Variants in EPB41L4A observed in about 807,000 individuals in gnomAD.
EPB41L4A encodes erythrocyte membrane protein band 4.1 like 4A.
EPB41L4A carries 100 observed loss-of-function variants against 108.6 expected under a neutral mutation model. The ratio of observed to expected loss-of-function variants is 0.92; its 90% CI spans 0.78 to 1.09. The LOEUF is 1.09. Ranked by LOEUF, EPB41L4A falls within the 50% of genes least tolerant of loss-of-function variation. The pLI is 0.00. For missense variants in EPB41L4A, 1,030 were observed against 842.7 expected, an observed-to-expected ratio of 1.22 and a Z score of -2.75; for synonymous variants, 319 against 289.0, an observed-to-expected ratio of 1.10 and a Z score of -1.05.
chr5:112,166,195 G>A (rs2150190940), intron 22 of EPB41L4A, among the ~76,000 whole-genome samples: 1 of 152,344 alleles, frequency 6.6e-6, no homozygotes, highest in Middle Eastern at 3.4e-3. Flanking sequence ...GCAAGGTGAG[G>A]TGTAAGGCAG....
At position 112,295,209 on chromosome 5, in the gene EPB41L4A, C is replaced by T. The variant is rs1753913355; in HGVS notation, c.204+12177G>A. Reference sequence around the variant, plus strand: ...TCAATCTAGGAATTAAGGAGTAAAGCTGCCAGGACTTGGTGACTGGCTATG... The same window carrying T: ...TCAATCTAGGAATTAAGGAGTAAAGTTGCCAGGACTTGGTGACTGGCTATG... On this transcript the variant is annotated intron_variant, in intron 2 of 22. Transcript: ENST00000261486. Among the ~76,000 whole-genome samples the T allele has an allele frequency of 2.0e-5, 3 of 152,150 alleles. No homozygotes were observed. The South Asian group carries it at 6.2e-4, about 32-fold the overall frequency.
At chr5:112,371,247 G>C (rs746896440) in intron 1 of EPB41L4A, among the ~76,000 whole-genome samples, 55 of 152,136 alleles carry the variant, frequency 3.6e-4, no homozygotes, top group Non-Finnish European at 6.9e-4. Flanking sequence ...CCACATTCCT[G>C]CTTAGCGTTT....
chr5:112,379,424 T>A (rs1445510783), intron 1 of EPB41L4A, among the ~76,000 whole-genome samples: 1 of 152,094 alleles, frequency 6.6e-6, no homozygotes, highest in African/African-American at 2.4e-5. Flanking sequence ...TCATCCTTCC[T>A]AAGGGCAGAT....
chr5:112,376,024 A>G (rs1424281955), intron 1 of EPB41L4A, among the ~76,000 whole-genome samples: 1 of 152,196 alleles, frequency 6.6e-6, no homozygotes, highest in Non-Finnish European at 1.5e-5. Flanking sequence ...ACAAAAACCA[A>G]TACACTGGAT....
chr5:112,165,058 G>A lies in EPB41L4A; in HGVS notation c.1993C>T (p.Leu665=), dbSNP rs923317190. 3 of 1,613,782 alleles carry A rather than the reference G, an allele frequency of 1.9e-6. No homozygotes were observed. Among genetic ancestry groups the A allele is most frequent in the Admixed American group, 1.7e-5 (1 of 59,986 alleles). Residue 665 remains leucine, a synonymous_variant, in exon 23 of 23, where the codon CTG becomes TTG. Coordinates refer to ENST00000261486, the MANE Select transcript of EPB41L4A (RefSeq NM_022140.5). ...EEKPQTSTNN[L]AGKHTAKTIK... is the part of the protein sequence containing the mutation. ...GTTTTTGCTGTGTGTTTTCCAGCCAGGTTGTTTGTAGATGTCTGAGGTTTT... is the reference window on the plus strand; with the variant it reads ...GTTTTTGCTGTGTGTTTTCCAGCCAAGTTGTTTGTAGATGTCTGAGGTTTT...
intron 12 of EPB41L4A, among the ~76,000 whole-genome samples, chr5:112,222,941 A>AT (rs1364099263): frequency 1.8e-5 from 1 of 56,478 alleles, no homozygotes; most frequent in Non-Finnish European, 3.3e-5. Context: ...AAGTGAAACT[A>AT]GTTTTTTTTT....
intron 14 of EPB41L4A, 81 bp from the exon 15 acceptor site, chr5:112,204,569 C>G: frequency 1.2e-6 from 1 of 803,104 alleles, no homozygotes; most frequent in Non-Finnish European, 2.1e-6. Context: ...CTATTCATAA[C>G]TGCACAGCTG....
chr5:112,264,779 G>A lies in EPB41L4A; in HGVS notation c.554+117C>T, dbSNP rs1192757511. 5 of 973,942 alleles carry A rather than the reference G, an allele frequency of 5.1e-6. No individual in the cohort carries two copies. In the Admixed American group the frequency reaches 8.0e-5, roughly 15 times the overall value. The allele number at this position is 973,942 out of a possible 1,614,324, so 60.3% of individuals were successfully genotyped here. A position where few individuals can be genotyped will look rare whatever the true frequency, so the allele number is the denominator to read the frequency against. ...AATCAGTTAAACTATACAAAGAGGA[G>A]TATTAGAATATTAAATGCACAGGTG... On this transcript the variant is annotated intron_variant, in intron 6 of 22. Transcript: ENST00000261486.
intron 4 of EPB41L4A, among the ~76,000 whole-genome samples, chr5:112,268,760 C>T (rs1238689765): frequency 1.4e-5 from 2 of 142,076 alleles, no homozygotes; most frequent in African/African-American, 5.2e-5. Context: ...GGAGGATCGT[C>T]TGAGCCCAGA....
Position 112,399,441 on chromosome 5 carries a change from G to A in EPB41L4A, c.99+19500C>T, listed in dbSNP as rs377413579. On this transcript the variant is annotated intron_variant, in intron 1 of 22. Transcript: ENST00000261486. Reference sequence around the variant, plus strand: ...CATACTGGGAGGCAGTGTGTCAGCCGGCTTCATGGCTGCATCCAGGGCCCA... The same window carrying A: ...CATACTGGGAGGCAGTGTGTCAGCCAGCTTCATGGCTGCATCCAGGGCCCA... Among the ~76,000 whole-genome samples, 4 of 152,148 alleles carry A rather than the reference G, an allele frequency of 2.6e-5. No homozygotes were observed. The South Asian group carries it at 6.2e-4, about 24-fold the overall frequency.
chr5:112,397,864 T>C (rs1717398579), intron 1 of EPB41L4A, among the ~76,000 whole-genome samples: 1 of 152,348 alleles, frequency 6.6e-6, no homozygotes, highest in Admixed American at 6.5e-5. Flanking sequence ...GGTCAAGGAT[T>C]TGACCGCAGT....
At chr5:112,153,590 G>A (rs932832233) in intron 12 of EPB41L4A, among the ~76,000 whole-genome samples, 1 of 149,024 alleles carries the variant, frequency 6.7e-6, no homozygotes, top group Non-Finnish European at 1.5e-5. Flanking sequence ...GAGAGAGAGA[G>A]AGAGAGAGCA....
chr5:112,297,268 T>C (rs1186933049), intron 2 of EPB41L4A, among the ~76,000 whole-genome samples: 7 of 152,174 alleles, frequency 4.6e-5, no homozygotes, highest in Non-Finnish European at 1.0e-4. Flanking sequence ...AGTGCAGAAG[T>C]GTTCCCTTTT....
Position 112,164,503 on chromosome 5 carries a change from A to G in EPB41L4A, c.*487T>C, listed in dbSNP as rs1399469241. 2 of 151,854 alleles carry G rather than the reference A, an allele frequency of 1.3e-5. No homozygotes were observed. The highest frequency in any genetic ancestry group is 2.9e-5 in the Non-Finnish European group (2 of 68,084). The allele number at this position is 151,854 out of a possible 1,614,324, so 9.4% of individuals were successfully genotyped here. Reference sequence around the variant, plus strand: ...AAAATGTGGTATCAAGTGAATTTTTACAAAATACTTATTCTTCCAGTTAAA... The same window carrying G: ...AAAATGTGGTATCAAGTGAATTTTTGCAAAATACTTATTCTTCCAGTTAAA... On this transcript the variant is annotated 3_prime_UTR_variant, in exon 23 of 23. Coordinates refer to ENST00000261486, the MANE Select transcript of EPB41L4A (RefSeq NM_022140.5).
chr5:112,214,842 C>A (rs1347887461), intron 12 of EPB41L4A, among the ~76,000 whole-genome samples: 6 of 152,112 alleles, frequency 3.9e-5, no homozygotes, highest in African/African-American at 1.4e-4. Context: ...TGGGGCAATT[C>A]TTTACTTTCT....
intron 1 of EPB41L4A, among the ~76,000 whole-genome samples, chr5:112,381,905 G>A (rs1263988421): frequency 6.6e-6 from 1 of 152,206 alleles, no homozygotes; most frequent in East Asian, 1.9e-4. Flanking sequence ...CAGAAGACTG[G>A]GTAACCTCCC....
intron 12 of EPB41L4A, 67 bp downstream of exon 12, chr5:112,234,567 A>T (rs1749193086): frequency 6.6e-7 from 1 of 1,512,748 alleles, no homozygotes; most frequent in South Asian, 1.2e-5. Flanking sequence ...TCACCTGAGT[A>T]TATCTTACAC....
intron 1 of EPB41L4A, among the ~76,000 whole-genome samples, chr5:112,416,421 T>C (rs903259622): frequency 1.3e-5 from 2 of 152,118 alleles, no homozygotes; most frequent in African/African-American, 4.8e-5. Context: ...ATAATTTTAA[T>C]GTAAAATTAG....
At position 112,351,716 on chromosome 5, in the gene EPB41L4A, C is replaced by A. The variant is rs184883846; in HGVS notation, c.100-44226G>T. ...GAGAGAAAAACTGTAGGCCTATATCCCTGATGAACATAGGTGTGAAAATCC... is the reference window on the plus strand; with the variant it reads ...GAGAGAAAAACTGTAGGCCTATATCACTGATGAACATAGGTGTGAAAATCC... On this transcript the variant is annotated intron_variant, in intron 1 of 22. Transcript: ENST00000261486. Among the ~76,000 whole-genome samples the A allele has an allele frequency of 6.7e-4, 102 of 152,132 alleles. 1 individual carries two copies. Among genetic ancestry groups the A allele is most frequent in the African/African-American group, 2.2e-3 (91 of 41,516 alleles).
Sources: gnomAD v4.1 joint callset for allele counts (sites outside exome capture counted in the v4.1 genomes callset) on GRCh38, gnomAD v4.1.1 for gene constraint, MANE v1.5 for transcripts, NCBI Gene and HGNC (gene_info 2026-07-23, HGNC 2026-07-21) for gene names.